NAA11: variants seen among roughly 807,000 people sequenced by gnomAD.
NAA11 encodes the protein N-alpha-acetyltransferase 11.
In NAA11, 15 loss-of-function variants were observed where a neutral mutation model predicts 16.1. The ratio of observed to expected loss-of-function variants is 0.93; its 90% confidence interval spans 0.62 to 1.44. The LOEUF (loss-of-function observed/expected upper bound fraction) is 1.44. Among genes scored for constraint, NAA11 ranks in the 40% most tolerant of loss-of-function variants. The probability of loss-of-function intolerance (pLI) is 0.00; values close to 1 mark genes in which losing one functional copy is unlikely to be tolerated. For missense variants in NAA11, 298 were observed against 291.3 expected (o/e 1.02, Z -0.17); for synonymous variants, 122 against 112.4 (o/e 1.09, Z -0.54).
chr4:79,235,924 A>G (rs1245805872), intron 2 of NAA11, among the ~76,000 whole-genome samples: 4 of 151,982 alleles, frequency 2.6e-5, no homozygotes, highest in Non-Finnish European at 4.4e-5. Flanking sequence ...AGATAGATAG[A>G]TCATAGTTCC....
chr4:79,229,437 G>A (rs954999913), intron 2 of NAA11, among the ~76,000 whole-genome samples: 1 of 151,864 alleles, frequency 6.6e-6, no homozygotes, highest in Admixed American at 6.6e-5. Flanking sequence ...AGATTTTAAT[G>A]TATGTATTAT....
the NAA11 span, among the ~76,000 whole-genome samples, chr4:79,166,431 A>G: frequency 4.6e-5 from 7 of 151,446 alleles, no homozygotes; most frequent in Middle Eastern, 3.4e-3. Context: ...AACTCAGCTC[A>G]TTGCAGCCTC....
intron 2 of NAA11, among the ~76,000 whole-genome samples, chr4:79,264,537 TCTGA>T (rs1461967627): frequency 6.6e-6 from 1 of 152,218 alleles, no homozygotes; most frequent in African/African-American, 2.4e-5. Context: ...TTTGCATGAT[TCTGA>T]CTTTTATCTA....
At chr4:79,284,482 T>G (rs1053448235) in intron 2 of NAA11, among the ~76,000 whole-genome samples, 4 of 152,112 alleles carry the variant, frequency 2.6e-5, no homozygotes, top group African/African-American at 9.7e-5. Flanking sequence ...GGTTGATTAT[T>G]TTTAAAAAAT....
At chr4:79,296,827 T>C (rs747545458) in intron 1 of NAA11, among the ~76,000 whole-genome samples, 16 of 152,154 alleles carry the variant, frequency 1.1e-4, no homozygotes, top group Non-Finnish European at 1.6e-4. Flanking sequence ...ACTGAATGTT[T>C]TTCCTTTGTT....
the NAA11 span, among the ~76,000 whole-genome samples, chr4:79,200,694 A>G: frequency 4.1e-3 from 621 of 151,900 alleles, 6 homozygotes; most frequent in African/African-American, 0.014. Context: ...ACAATTATAA[A>G]AATAGTTTAA....
intron 1 of NAA11, 110 bp downstream of exon 1, chr4:79,325,066 G>A (rs1724218164): frequency 8.8e-6 from 9 of 1,020,556 alleles, no homozygotes; most frequent in African/African-American, 3.3e-5. Flanking sequence ...GGTTTTTACC[G>A]TAAAATCTCG....
At chr4:79,307,488 C>T (rs1723625544) in intron 1 of NAA11, among the ~76,000 whole-genome samples, 1 of 152,036 alleles carries the variant, frequency 6.6e-6, no homozygotes. Flanking sequence ...ATGTTCTTTA[C>T]ATACACATGA....
At chr4:79,208,352 A>G in the NAA11 span, among the ~76,000 whole-genome samples, 2 of 152,210 alleles carry the variant, frequency 1.3e-5, no homozygotes, top group African/African-American at 2.4e-5. Context: ...AGAACCTACC[A>G]TAAGACTTAG....
intron 2 of NAA11, among the ~76,000 whole-genome samples, chr4:79,241,718 C>T (rs1189673908): frequency 6.6e-6 from 1 of 152,038 alleles, no homozygotes; most frequent in African/African-American, 2.4e-5. Flanking sequence ...CTATGTCTCT[C>T]CTCATTTTGG....
chr4:79,196,793 G>A, the NAA11 span, among the ~76,000 whole-genome samples: 4 of 151,690 alleles, frequency 2.6e-5, no homozygotes, highest in East Asian at 1.9e-4. Flanking sequence ...GGTTATCTAG[G>A]TGGGTCCTGT....
At chr4:79,224,112 C>T (rs1721259360), downstream of NAA11, among the ~76,000 whole-genome samples, 3 of 152,062 alleles carry the variant, frequency 2.0e-5, no homozygotes, top group South Asian at 6.2e-4. Context: ...ATCTGGAAGT[C>T]TAAGAACCAC....
intron 1 of NAA11, among the ~76,000 whole-genome samples, chr4:79,319,664 AAAT>A (rs1034398647): frequency 4.6e-5 from 7 of 152,338 alleles, no homozygotes; most frequent in African/African-American, 1.7e-4. Context: ...TAGAGATTAT[AAAT>A]AATTCAACAA....
At chr4:79,262,514 G>A (rs1467543134) in intron 2 of NAA11, among the ~76,000 whole-genome samples, 1 of 151,916 alleles carries the variant, frequency 6.6e-6, no homozygotes, top group African/African-American at 2.4e-5. Context: ...TATATAGGGG[G>A]GAATAGGGAA....
At chr4:79,254,398 T>C (rs1560426153) in intron 2 of NAA11, among the ~76,000 whole-genome samples, 2 of 152,156 alleles carry the variant, frequency 1.3e-5, no homozygotes, top group African/African-American at 4.8e-5. Flanking sequence ...TCCTTGGCAC[T>C]AAGAGAGAAA....
intron 2 of NAA11, among the ~76,000 whole-genome samples, chr4:79,292,487 T>C (rs567435462): frequency 1.3e-5 from 2 of 152,346 alleles, no homozygotes; most frequent in African/African-American, 4.8e-5. Flanking sequence ...AGGACCAATC[T>C]GATTAAATCT....
At chr4:79,223,463 G>C (rs1721238314), downstream of NAA11, among the ~76,000 whole-genome samples, 1 of 137,374 alleles carries the variant, frequency 7.3e-6, no homozygotes, top group African/African-American at 2.7e-5. Context: ...CATGGACACA[G>C]GAAGGGGAAT....
intron 2 of NAA11, among the ~76,000 whole-genome samples, chr4:79,293,651 C>T (rs1723141807): frequency 6.6e-6 from 1 of 152,134 alleles, no homozygotes; most frequent in South Asian, 2.1e-4. Context: ...TTTACATGGT[C>T]AACCCAGAAA....
chr4:79,220,715 T>A (rs1721170243), downstream of NAA11, among the ~76,000 whole-genome samples: 1 of 152,150 alleles, frequency 6.6e-6, no homozygotes, highest in Non-Finnish European at 1.5e-5. Flanking sequence ...AGGGCTCTGT[T>A]CTGTTCCACT....
Sources: allele counts gnomAD v4.1 joint callset (sites outside exome capture counted in the v4.1 genomes callset), GRCh38; gene constraint gnomAD v4.1.1; transcripts MANE v1.5; gene names NCBI Gene and HGNC (gene_info 2026-07-23, HGNC 2026-07-21).